KAZN: variants seen among roughly 807,000 people sequenced by gnomAD.
KAZN encodes kazrin.
KAZN carries 40 observed loss-of-function variants against 87.4 expected under a neutral mutation model. The observed-to-expected ratio is 0.46, with a 90% CI of 0.36 to 0.60. KAZN has a LOEUF of 0.60. Among genes scored for constraint, KAZN ranks in the 20% least tolerant of loss-of-function variants. The probability of loss-of-function intolerance (pLI) is 0.00; values close to 1 mark genes in which losing one functional copy is unlikely to be tolerated. For synonymous variants in KAZN, 466 were observed against 458.3 expected, an observed-to-expected ratio of 1.02 and a Z score of -0.22; for missense variants, 898 against 1,073.9, an observed-to-expected ratio of 0.84 and a Z score of 2.29.
In KAZN at chr1:15,066,115, T is replaced by C; in HGVS notation, c.1222+362T>C. On this transcript the variant is annotated intron_variant, in intron 8 of 14. Transcript: ENST00000376030. The surrounding 1 kb of genome is among the most constrained non-coding windows in gnomAD (Gnocchi z 4.3). ...ATTTTTCTTCAGTGTTTGGTTTTTCTTTTTCTTTTTGTTTGGTTCGTCGGT... is the reference window on the plus strand; with the variant it reads ...ATTTTTCTTCAGTGTTTGGTTTTTCCTTTTCTTTTTGTTTGGTTCGTCGGT... 2.7e-6 allele frequency: 3 copies of C among 1,104,692 alleles called. No individual in the cohort carries two copies. The highest frequency in any genetic ancestry group is 3.3e-6 in the Non-Finnish European group (3 of 906,818). The allele number at this position is 1,104,692 out of a possible 1,614,324, so 68.4% of individuals were successfully genotyped here.
At chr1:14,474,969 T>G (rs1668639317) in intron 2 of KAZN, among the ~76,000 whole-genome samples, 1 of 152,052 alleles carries the variant, frequency 6.6e-6, no homozygotes, top group Non-Finnish European at 1.5e-5. Context: ...GATGGATGGA[T>G]AGATGGATGA....
chr1:14,995,971 G>A (rs1033011788), intron 2 of KAZN, among the ~76,000 whole-genome samples: 3 of 152,068 alleles, frequency 2.0e-5, no homozygotes, highest in African/African-American at 7.2e-5. Context: ...AAGCCGGTCC[G>A]GCCACCTGGG....
At chr1:13,954,181 G>A (rs1362155037) in intron 1 of KAZN, among the ~76,000 whole-genome samples, 2 of 152,182 alleles carry the variant, frequency 1.3e-5, no homozygotes, top group African/African-American at 4.8e-5. Context: ...TCCAGCCTGG[G>A]CAACAGAATG....
At chr1:14,950,432 G>A (rs1662342527) in intron 1 of KAZN, among the ~76,000 whole-genome samples, 1 of 152,080 alleles carries the variant, frequency 6.6e-6, no homozygotes, top group Admixed American at 6.5e-5. Context: ...AGGCCAGGCT[G>A]GGCCTGAGAG....
intron 1 of KAZN, among the ~76,000 whole-genome samples, chr1:14,139,853 A>G (rs1426564670): frequency 2.0e-5 from 3 of 152,188 alleles, no homozygotes; most frequent in Non-Finnish European, 4.4e-5. Context: ...CTTTATGGTC[A>G]AATAGGCTTT....
chr1:14,663,062 C>T (rs1238560389), intron 1 of KAZN, among the ~76,000 whole-genome samples: 1 of 151,550 alleles, frequency 6.6e-6, no homozygotes, highest in Non-Finnish European at 1.5e-5. Flanking sequence ...CCTTGACCTC[C>T]TGGGCTCAAG....
At chr1:14,931,609 C>T (rs1382589475) in intron 1 of KAZN, among the ~76,000 whole-genome samples, 1 of 152,064 alleles carries the variant, frequency 6.6e-6, no homozygotes, top group Non-Finnish European at 1.5e-5. Flanking sequence ...TCAGGCTCCC[C>T]TCCTCCCCCG....
chr1:14,834,979 G>T (rs1647180954), intron 1 of KAZN, among the ~76,000 whole-genome samples: 1 of 152,218 alleles, frequency 6.6e-6, no homozygotes, highest in South Asian at 2.1e-4. Context: ...GCTAAAAAAA[G>T]AGTAGGTTCC....
chr1:14,231,588 T>TCACTGCAGGGA (rs1553147929), intron 2 of KAZN, among the ~76,000 whole-genome samples: 7 of 152,196 alleles, frequency 4.6e-5, no homozygotes, highest in Non-Finnish European at 1.0e-4. Flanking sequence ...CTCATACAAA[T>TCACTGCAGGGA]CACTGAAGCC....
intron 1 of KAZN, among the ~76,000 whole-genome samples, chr1:14,667,888 C>T (rs1217262719): frequency 6.6e-6 from 1 of 152,072 alleles, no homozygotes; most frequent in African/African-American, 2.4e-5. Context: ...CAAATCGCTC[C>T]TTGAAGCCAA....
At chr1:14,891,358 G>A (rs546637324) in intron 1 of KAZN, among the ~76,000 whole-genome samples, 41 of 152,136 alleles carry the variant, frequency 2.7e-4, no homozygotes, top group Admixed American at 7.2e-4. Context: ...TCATTCTTAT[G>A]CCTTTGCGTC....
chr1:14,846,026 C>T (rs1027827583), intron 1 of KAZN, among the ~76,000 whole-genome samples: 1 of 152,126 alleles, frequency 6.6e-6, no homozygotes, highest in East Asian at 1.9e-4. Flanking sequence ...TGTCATGCTC[C>T]ATCGTTTGCT....
chr1:14,180,696 T>G (rs1646179162), intron 2 of KAZN: 1 of 835,332 alleles, frequency 1.2e-6, no homozygotes, highest in Admixed American at 3.0e-5. Flanking sequence ...TATTGAAACC[T>G]GTTTTTCTGA....
chr1:14,340,195 A>G (rs1657581784), intron 2 of KAZN, among the ~76,000 whole-genome samples: 1 of 152,234 alleles, frequency 6.6e-6, no homozygotes, highest in Non-Finnish European at 1.5e-5. Context: ...TTGCTGGCTT[A>G]TTGGAAGCTA....
chr1:14,654,312 C>G (rs963884401), intron 1 of KAZN, among the ~76,000 whole-genome samples: 3 of 148,568 alleles, frequency 2.0e-5, no homozygotes, highest in Admixed American at 6.6e-5. Context: ...AAAAAAATCT[C>G]CAGATATTGC....
At chr1:14,662,404 C>T (rs1027343938) in intron 1 of KAZN, among the ~76,000 whole-genome samples, 3 of 152,100 alleles carry the variant, frequency 2.0e-5, no homozygotes, top group African/African-American at 7.2e-5. Flanking sequence ...CTTCTCACTT[C>T]CAGTCTGAGC....
intron 1 of KAZN, among the ~76,000 whole-genome samples, chr1:14,803,790 G>T (rs1646118162): frequency 6.6e-6 from 1 of 152,198 alleles, no homozygotes; most frequent in Admixed American, 6.5e-5. Context: ...CTCCACATTG[G>T]CGCTCTGGAG....
rs1263165776 is a variant in KAZN, at chr1:14,111,188, TA to T, written c.92-69246del. 1.5e-5 allele frequency among the ~76,000 whole-genome samples: 2 copies of T among 133,914 alleles called. 1 individual carries two copies. Among genetic ancestry groups the T allele is most frequent in the Non-Finnish European group, 3.2e-5 (2 of 62,732 alleles). The allele number at this position is 133,914 out of a possible 152,430, so 87.9% of individuals were successfully genotyped here. On this transcript the variant is annotated intron_variant, in intron 1 of 16. Coordinates refer to the KAZN transcript ENST00000636203. ...AGAGATAGGGGGACAGCAGGATAAA[TA>T]GAGTTTCCACCCAGGGCCTCTGCAT...
rs138064991 is a variant in KAZN at position 14,172,044 on chromosome 1, T to C, written c.92-8391T>C. ...TCATTAATGTACAGTGAAATTGAAATGAGCCCTTCGTATAAATAAGCCTAC... is the reference window on the plus strand; with the variant it reads ...TCATTAATGTACAGTGAAATTGAAACGAGCCCTTCGTATAAATAAGCCTAC... On this transcript the variant is annotated intron_variant, in intron 1 of 16. Transcript: ENST00000636203. 2.6e-3 allele frequency among the ~76,000 whole-genome samples: 390 copies of C among 152,324 alleles called. 3 individuals carry two copies. The highest frequency in any genetic ancestry group is 9.0e-3 in the African/African-American group (372 of 41,552).
Sources: allele counts gnomAD v4.1 joint callset (sites outside exome capture counted in the v4.1 genomes callset), GRCh38; gene constraint gnomAD v4.1.1; non-coding constraint Gnocchi (gnomAD v3.1); transcripts MANE v1.5; gene names NCBI Gene and HGNC (gene_info 2026-07-23, HGNC 2026-07-21).